USP5: variants seen among roughly 807,000 people sequenced by gnomAD.
USP5 encodes the protein ubiquitin specific peptidase 5.
Under a neutral mutation model 102.5 loss-of-function variants are expected in USP5, and 24 were observed. The observed-to-expected ratio is 0.23, with a 90% CI of 0.17 to 0.33. The LOEUF (loss-of-function observed/expected upper bound fraction) is 0.33, where lower values mean the gene tolerates loss of function less well. Ranked by LOEUF, USP5 falls within the 10% of genes least tolerant of loss-of-function variation. The probability of loss-of-function intolerance (pLI) is 1.00; values close to 1 mark genes in which losing one functional copy is unlikely to be tolerated. For missense variants in USP5, 753 were observed against 1,122.1 expected (o/e 0.67, Z 4.70); for synonymous variants, 460 against 434.8 (o/e 1.06, Z -0.72).
At position 6,863,985 on chromosome 12, in the gene USP5, TG is replaced by T; in HGVS notation, c.2098+16del. ...CATGGATGATCCAGGTAGGCTGGGG[TG>T]GGGAGCAGGGTGGGGCAGGGCCTCC... On this transcript the variant is annotated intron_variant, in intron 16 of 19. Transcript: ENST00000229268. This position sits in a 1 kb window ranked among gnomAD's most constrained non-coding sequence, Gnocchi z 4.7. 1 of 1,583,588 alleles carries T rather than the reference TG, an allele frequency of 6.3e-7. No homozygotes were observed.
intron 19 of USP5, 40 bp from the exon 20 acceptor site, chr12:6,865,944 C>A: frequency 6.4e-7 from 1 of 1,571,358 alleles, no homozygotes; most frequent in Non-Finnish European, 8.8e-7. Flanking sequence ...CTTTGAATGC[C>A]CAGTTTGTTC....
chr12:6,865,847 A>G (rs1163712582), intron 19 of USP5, 137 bp from the exon 20 acceptor site: 9 of 730,284 alleles, frequency 1.2e-5, no homozygotes, highest in Middle Eastern at 2.5e-4. Flanking sequence ...CTTAAGGCAC[A>G]TGGTGGCTGG....
intron 14 of USP5, 102 bp downstream of exon 14, chr12:6,862,660 G>A: frequency 6.4e-6 from 7 of 1,092,242 alleles, no homozygotes; most frequent in Admixed American, 4.7e-5. Context: ...TCTGAAAGAG[G>A]AAAAAAAATC....
rs1328115178 is a variant in USP5 at position 6,855,107 on chromosome 12, A to G, written c.112-294A>G. 6.6e-6 allele frequency among the ~76,000 whole-genome samples: 1 copy of G among 152,200 alleles called. No homozygotes were observed. Among genetic ancestry groups the G allele is most frequent in the African/African-American group, 2.4e-5 (1 of 41,458 alleles). On this transcript the variant is annotated intron_variant, in intron 1 of 19. Transcript: ENST00000229268. This position sits in a 1 kb window ranked among gnomAD's most constrained non-coding sequence, Gnocchi z 4.6. ...AGAGCTCCAAAGCCCAAGAAGGAGCAGGTGGAAAGATAAATGGTGACTGGT... is the reference window on the plus strand; with the variant it reads ...AGAGCTCCAAAGCCCAAGAAGGAGCGGGTGGAAAGATAAATGGTGACTGGT...
rs1299896659 is a variant in USP5, at chr12:6,866,226, A to G, written c.*149A>G. On this transcript the variant is annotated 3_prime_UTR_variant, in exon 20 of 20. Transcript: ENST00000229268. This position sits in a 1 kb window ranked among gnomAD's most constrained non-coding sequence, Gnocchi z 4.7. ...GGAAGAAGCTGGAGGCCGTGGGAGAATGGCTGGGCAGAGCAGAGGGGCAGC... is the reference window on the plus strand; with the variant it reads ...GGAAGAAGCTGGAGGCCGTGGGAGAGTGGCTGGGCAGAGCAGAGGGGCAGC... 1 of 710,152 alleles carries G rather than the reference A, an allele frequency of 1.4e-6. No homozygotes were observed. 44.0% of individuals were successfully genotyped at this position (710,152 alleles called of 1,614,324 possible).
chr12:6,852,392 C>A, intron 1 of USP5, 102 bp downstream of exon 1: 1 of 1,160,840 alleles, frequency 8.6e-7, no homozygotes. Context: ...CCCTGCGATG[C>A]ACCATGGGAC....
intron 6 of USP5, 48 bp from the exon 7 acceptor site, chr12:6,857,581 C>A: frequency 1.3e-6 from 2 of 1,543,606 alleles, no homozygotes; most frequent in Non-Finnish European, 8.9e-7. Context: ...GGTGGCCTGG[C>A]TAGTCCTGAG....
Position 6,861,460 on chromosome 12 carries a change from G to A in USP5, c.1516G>A (p.Glu506Lys), listed in dbSNP as rs1247525332. The change falls in exon 13 of 20, where the codon GAG becomes AAG. Residue 506 changes from glutamate (E) to lysine (K), a missense_variant. Around this residue, in one of 3 missense-constraint regions of USP5, gnomAD observed 527 missense variants for 816.5 expected, o/e 0.65. Coordinates refer to ENST00000229268, the MANE Select transcript of USP5 (RefSeq NM_001098536.2). This position sits in a 1 kb window ranked among gnomAD's most constrained non-coding sequence, Gnocchi z 4.9. Reference protein sequence around the residue: ...ALNKEELLEYEEKKRQAEEEK... With the variant: ...ALNKEELLEYKEKKRQAEEEK... ...GTCACCAGAGGAGCTTCTGGAGTAC[G>A]AGGAGAAGAAGCGGCAAGCCGAAGA... The A allele has an allele frequency of 5.7e-6, 9 of 1,579,614 alleles. No individual in the cohort carries two copies. Among genetic ancestry groups the A allele is most frequent in the African/African-American group, 1.4e-5 (1 of 74,056 alleles).
At position 6,861,932 on chromosome 12, in the gene USP5, T is replaced by C. The variant is rs928140495; in HGVS notation, c.1673+315T>C. Among the ~76,000 whole-genome samples the C allele has an allele frequency of 1.3e-5, 2 of 152,114 alleles. No individual in the cohort carries two copies. The highest frequency in any genetic ancestry group is 2.9e-5 in the Non-Finnish European group (2 of 68,008). The stretch of plus-strand genomic sequence containing the variant: ...CACTTAGGATCAGCTGTGGGCAGAA[T>C]TTGGATTTCCAGCAAATAGCCACAC... On this transcript the variant is annotated intron_variant, in intron 13 of 19. Coordinates refer to ENST00000229268, the MANE Select transcript of USP5 (RefSeq NM_001098536.2). The surrounding 1 kb of genome is among the most constrained non-coding windows in gnomAD (Gnocchi z 4.9).
rs782362438 is a variant in USP5, at chr12:6,864,156, C to T, written c.2205C>T (p.Gly735=). ...EDCVTTIVSM[G]FSRDQALKAL... is the part of the protein sequence containing the mutation. The stretch of plus-strand genomic sequence containing the variant: ...GTGTGACCACCATTGTCTCCATGGG[C>T]TTCTCCCGGGACCAGGCCTTGAAAG... Residue 735 remains glycine, a synonymous_variant, in exon 17 of 20, where the codon GGC becomes GGT. Transcript: ENST00000229268. The surrounding 1 kb of genome is among the most constrained non-coding windows in gnomAD (Gnocchi z 4.8). 6.8e-6 allele frequency: 11 copies of T among 1,613,546 alleles called. No individual in the cohort carries two copies. The South Asian group carries it at 1.2e-4, about 18-fold the overall frequency.
chr12:6,855,948 C>T lies in USP5; in HGVS notation c.305-69C>T, dbSNP rs1944097240. 4 of 1,606,070 alleles carry T rather than the reference C, an allele frequency of 2.5e-6. No individual in the cohort carries two copies. Among genetic ancestry groups the T allele is most frequent in the Non-Finnish European group, 3.4e-6 (4 of 1,174,222 alleles). On this transcript the variant is annotated intron_variant, in intron 3 of 19. Transcript: ENST00000229268. This position sits in a 1 kb window ranked among gnomAD's most constrained non-coding sequence, Gnocchi z 4.6. ...AACTCTGGATGGGGCAAGTGAGGTG[C>T]TGGCTCGGAGGAGGGACATTGACCT...
At chr12:6,852,314 A>C in intron 1 of USP5, 24 bp downstream of exon 1, 1 of 1,588,372 alleles carries the variant, frequency 6.3e-7, no homozygotes, top group South Asian at 1.1e-5. Context: ...CCACGCCCGC[A>C]ACGAGCACGA....
Position 6,855,466 on chromosome 12 carries a change from G to C in USP5, c.177G>C (p.Glu59Asp), listed in dbSNP as rs782363195. 1.2e-6 allele frequency: 2 copies of C among 1,614,204 alleles called. No individual in the cohort carries two copies. The highest frequency in any genetic ancestry group is 1.7e-6 in the Non-Finnish European group (2 of 1,180,040). The change falls in exon 2 of 20, where the codon GAG (glutamate) becomes GAC (aspartate). Residue 59 changes from glutamate to aspartate, a missense_variant. This residue lies in a region of USP5 where 527 missense variants were observed against 816.5 expected (regional missense o/e 0.65). Transcript: ENST00000229268. This position sits in a 1 kb window ranked among gnomAD's most constrained non-coding sequence, Gnocchi z 4.6. ...TGGGCTTTGGGAAACAGTATGTGGAGAGACATTTCAATAAGACCGGCCAGC... is the reference window on the plus strand; with the variant it reads ...TGGGCTTTGGGAAACAGTATGTGGACAGACATTTCAATAAGACCGGCCAGC... ...TFLGFGKQYV[E>D]RHFNKTGQRV... is the part of the protein sequence containing the mutation.
rs782019559 is a variant in USP5 at position 6,855,556 on chromosome 12, T to C, written c.237+30T>C. The stretch of plus-strand genomic sequence containing the variant: ...GAGCAGGGCTGGGGCAAGGCCTGGG[T>C]ACATTGTCTGTTCCATTCTGACCTC... On this transcript the variant is annotated intron_variant, in intron 2 of 19. Coordinates refer to ENST00000229268, the MANE Select transcript of USP5 (RefSeq NM_001098536.2). This position sits in a 1 kb window ranked among gnomAD's most constrained non-coding sequence, Gnocchi z 4.6. 4 of 1,612,518 alleles carry C rather than the reference T, an allele frequency of 2.5e-6. No homozygotes were observed. Among genetic ancestry groups the C allele is most frequent in the Non-Finnish European group, 3.4e-6 (4 of 1,179,552 alleles).
chr12:6,863,483 A>T lies in USP5; in HGVS notation c.1954+106A>T. Reference sequence around the variant, plus strand: ...TGTGTTTCTCCTGTCCTCCCTTTCAAATTTCCTCTGCCCTCTTTGATTGAC... The same window carrying T: ...TGTGTTTCTCCTGTCCTCCCTTTCATATTTCCTCTGCCCTCTTTGATTGAC... On this transcript the variant is annotated intron_variant, in intron 15 of 19. Transcript: ENST00000229268. This position sits in a 1 kb window ranked among gnomAD's most constrained non-coding sequence, Gnocchi z 4.7. 1 of 1,370,630 alleles carries T rather than the reference A, an allele frequency of 7.3e-7. No individual in the cohort carries two copies. The highest frequency in any genetic ancestry group is 1.0e-6 in the Non-Finnish European group (1 of 997,566). 84.9% of individuals were successfully genotyped at this position (1,370,630 alleles called of 1,614,324 possible). A position where few individuals can be genotyped will look rare whatever the true frequency, so the allele number is the denominator to read the frequency against.
At position 6,864,343 on chromosome 12, in the gene USP5, T is replaced by C; in HGVS notation, c.2244+148T>C. The C allele has an allele frequency of 8.1e-7, 1 of 1,231,362 alleles. No homozygotes were observed. Among genetic ancestry groups the C allele is most frequent in the East Asian group, 2.6e-5 (1 of 38,252 alleles). The allele number at this position is 1,231,362 out of a possible 1,614,324, so 76.3% of individuals were successfully genotyped here. On this transcript the variant is annotated intron_variant, in intron 17 of 19. Transcript: ENST00000229268. The surrounding 1 kb of genome is among the most constrained non-coding windows in gnomAD (Gnocchi z 4.8). ...TCTTTTGTGGCTGCGATGAAGGAGC[T>C]GAAGCCTGCGTTCACTGCTGGGTTT...
rs114987450 is a variant in USP5, at chr12:6,853,933, C to A, written c.112-1468C>A. ...CAGTGCACTATTTTTCATATCACAG[C>A]AGAGAAATGTTCAAGGCCACTGAGA... On this transcript the variant is annotated intron_variant, in intron 1 of 19. Transcript: ENST00000229268. Among the ~76,000 whole-genome samples the A allele has an allele frequency of 7.3e-3, 1,106 of 152,340 alleles. 11 individuals carry two copies. The highest frequency in any genetic ancestry group is 0.025 in the African/African-American group (1,054 of 41,564).
Position 6,860,828 on chromosome 12 carries a change from C to T in USP5, c.1345-125C>T. 7.1e-7 allele frequency: 1 copy of T among 1,402,136 alleles called. No individual in the cohort carries two copies. The highest frequency in any genetic ancestry group is 1.3e-5 in the South Asian group (1 of 76,682). The allele number at this position is 1,402,136 out of a possible 1,614,324, so 86.9% of individuals were successfully genotyped here. A position where few individuals can be genotyped will look rare whatever the true frequency, so the allele number is the denominator to read the frequency against. ...TGGTGAATTAGGGAAGGTTTCTGCT[C>T]TGCTCTTGTGTCCCTGAGTTCCGAG... On this transcript the variant is annotated intron_variant, in intron 11 of 19. Coordinates refer to ENST00000229268, the MANE Select transcript of USP5 (RefSeq NM_001098536.2). This position sits in a 1 kb window ranked among gnomAD's most constrained non-coding sequence, Gnocchi z 5.5.
chr12:6,852,188 G>A lies in USP5; in HGVS notation c.9G>A (p.Glu3=), dbSNP rs782334370. Residue 3 remains glutamate, a synonymous_variant, in exon 1 of 20, where the codon GAG becomes GAA. Coordinates refer to ENST00000229268, the MANE Select transcript of USP5 (RefSeq NM_001098536.2). ...AAGCTGCTGCCGGTGTCATGGCGGA[G>A]CTGAGTGAGGAGGCGCTGCTGTCAG... MA[E]LSEEALLSVL... is the part of the protein sequence containing the mutation. The A allele has an allele frequency of 3.1e-6, 5 of 1,611,248 alleles. No homozygotes were observed. Among genetic ancestry groups the A allele is most frequent in the Admixed American group, 1.7e-5 (1 of 59,638 alleles).
Sources: gnomAD v4.1 joint callset for allele counts (sites outside exome capture counted in the v4.1 genomes callset) on GRCh38, gnomAD v4.1.1 for gene constraint, gnomAD v4.1.1 regional missense constraint, Gnocchi (gnomAD v3.1) non-coding constraint, MANE v1.5 for transcripts, NCBI Gene and HGNC (gene_info 2026-07-23, HGNC 2026-07-21) for gene names.